ARHGAP23: variants seen among roughly 807,000 people sequenced by gnomAD.
ARHGAP23 encodes the protein Rho GTPase activating protein 23.
A neutral mutation model predicts 136.3 loss-of-function variants in ARHGAP23; 34 were observed. That is an observed-to-expected ratio of 0.25 (90% CI 0.19 to 0.33). The LOEUF is 0.33. ARHGAP23 is among the 10% of genes least tolerant of loss of function. The pLI is 1.00. For synonymous variants in ARHGAP23, 832 were observed against 920.5 expected (o/e 0.90, Z 1.74); for missense variants, 1,808 against 2,139.0 (o/e 0.85, Z 3.05).
chr17:38,476,244 G>A (rs1413679956), intron 11 of ARHGAP23, among the ~76,000 whole-genome samples: 1 of 152,218 alleles, frequency 6.6e-6, no homozygotes, highest in Non-Finnish European at 1.5e-5. Context: ...TAGAGACTGG[G>A]AAGGTCTGTG....
At chr17:38,493,173 C>T (rs2040315133) in intron 20 of ARHGAP23, among the ~76,000 whole-genome samples, 1 of 150,496 alleles carries the variant, frequency 6.6e-6, no homozygotes, top group African/African-American at 2.5e-5. Context: ...TTTTCTTTCT[C>T]TTTCTCTCTC....
chr17:38,470,255 A>G (rs2039718920), intron 10 of ARHGAP23, among the ~76,000 whole-genome samples: 1 of 151,486 alleles, frequency 6.6e-6, no homozygotes, highest in Non-Finnish European at 1.5e-5. Flanking sequence ...TCCCTTCGCT[A>G]CTCTATGTTT....
chr17:38,494,734 A>G (rs1323866642), intron 20 of ARHGAP23, among the ~76,000 whole-genome samples: 1 of 152,238 alleles, frequency 6.6e-6, no homozygotes, highest in East Asian at 1.9e-4. Context: ...GGTCGTAGTC[A>G]TGGAGTTCTT....
chr17:38,479,936 G>GC, intron 14 of ARHGAP23, 53 bp downstream of exon 14: 1 of 1,420,418 alleles, frequency 7.0e-7, no homozygotes, highest in Non-Finnish European at 9.5e-7. Context: ...GGGGCATGGG[G>GC]AGGGGAGGGC....
intron 23 of ARHGAP23, among the ~76,000 whole-genome samples, chr17:38,507,936 G>C (rs188021837): frequency 2.2e-4 from 33 of 152,384 alleles, no homozygotes; most frequent in Admixed American, 4.6e-4. Context: ...TCTGTGAGGA[G>C]GGGTTGAAAG....
intron 1 of ARHGAP23, among the ~76,000 whole-genome samples, chr17:38,450,068 C>T (rs188582148): frequency 3.3e-5 from 5 of 152,356 alleles, no homozygotes; most frequent in Admixed American, 3.3e-4. Context: ...CCTCAAAAAA[C>T]TGTCACCTCC....
upstream of ARHGAP23, chr17:38,428,389 C>A (rs1460389655): frequency 1.7e-4 from 76 of 449,164 alleles, no homozygotes; most frequent in Non-Finnish European, 2.3e-4. Context: ...GGGGGCCCCC[C>A]CACACCGCGC....
chr17:38,497,625 G>A (rs754722196), intron 20 of ARHGAP23, among the ~76,000 whole-genome samples, 160 bp from the exon 21 acceptor site: 9 of 152,314 alleles, frequency 5.9e-5, no homozygotes, highest in Non-Finnish European at 1.0e-4. Flanking sequence ...TTTAGGGTCC[G>A]TCAAGCTCCC....
rs532707048 is a variant in ARHGAP23, at chr17:38,500,658, A to G, written c.3447+30A>G. On this transcript the variant is annotated intron_variant, in intron 23 of 23. Coordinates refer to ENST00000622683, the MANE Select transcript of ARHGAP23 (RefSeq NM_001199417.2). ...GTATGAAGGCAATTCTGAAGGCTTG[A>G]TCCCTGTACAAGGCAGCCCACTTTG... The G allele has an allele frequency of 2.7e-4, 419 of 1,543,986 alleles. 5 individuals carry two copies. In the South Asian group the frequency reaches 3.6e-3, roughly 13 times the overall value.
Position 38,477,839 on chromosome 17 carries a change from G to A in ARHGAP23, c.2379G>A (p.Arg793=), listed in dbSNP as rs926419471. 3 of 1,549,660 alleles carry A rather than the reference G, an allele frequency of 1.9e-6. No individual in the cohort carries two copies. Among genetic ancestry groups the A allele is most frequent in the Non-Finnish European group, 2.6e-6 (3 of 1,146,608 alleles). Residue 793 remains arginine, a synonymous_variant, in exon 12 of 24, where the codon CGG becomes CGA. Transcript: ENST00000622683. This position sits in a 1 kb window ranked among gnomAD's most constrained non-coding sequence, Gnocchi z 6.6. ...FCEYLFQAED[R]DDMLGWIRAI... ...AATATCTCTTTCAGGCTGAGGACCG[G>A]GATGACATGCTGGGCTGGATCAGAG...
intron 1 of ARHGAP23, among the ~76,000 whole-genome samples, chr17:38,421,976 C>T (rs1258343764): frequency 1.3e-5 from 2 of 152,170 alleles, no homozygotes; most frequent in African/African-American, 4.8e-5. Flanking sequence ...GTCCCATGTG[C>T]AGTGATGTGT....
At chr17:38,443,819 G>GA (rs1366896391) in intron 1 of ARHGAP23, among the ~76,000 whole-genome samples, 1 of 152,150 alleles carries the variant, frequency 6.6e-6, no homozygotes, top group Non-Finnish European at 1.5e-5. Context: ...GCTTGACTGG[G>GA]ACCCAGCTCT....
At chr17:38,447,140 C>A (rs1363815986) in intron 1 of ARHGAP23, among the ~76,000 whole-genome samples, 1 of 152,124 alleles carries the variant, frequency 6.6e-6, no homozygotes, top group Non-Finnish European at 1.5e-5. Flanking sequence ...CACATCCTCA[C>A]CATTAAGAAA....
chr17:38,465,219 G>A (rs1403363995), intron 6 of ARHGAP23, among the ~76,000 whole-genome samples: 1 of 150,964 alleles, frequency 6.6e-6, no homozygotes, highest in African/African-American at 2.5e-5. Flanking sequence ...GCTGGAGGGG[G>A]CTGAGTGTGC....
Position 38,466,107 on chromosome 17 carries a change from G to A in ARHGAP23, c.484-60G>A, listed in dbSNP as rs577983994. On this transcript the variant is annotated intron_variant, in intron 6 of 23. Transcript: ENST00000622683. Reference sequence around the variant, plus strand: ...GGCTCCTTGACCTCCTCGGGCTGCCGTTCCCCTACCCTGTGGGACTTGTCT... The same window carrying A: ...GGCTCCTTGACCTCCTCGGGCTGCCATTCCCCTACCCTGTGGGACTTGTCT... 112 of 1,351,584 alleles carry A rather than the reference G, an allele frequency of 8.3e-5. No homozygotes were observed. The African/African-American group carries it at 9.4e-4, about 11-fold the overall frequency. The allele number at this position is 1,351,584 out of a possible 1,614,324, so 83.7% of individuals were successfully genotyped here. A position where few individuals can be genotyped will look rare whatever the true frequency, so the allele number is the denominator to read the frequency against.
At chr17:38,490,787 G>A (rs933008874) in intron 19 of ARHGAP23, among the ~76,000 whole-genome samples, 3 of 152,196 alleles carry the variant, frequency 2.0e-5, no homozygotes, top group Non-Finnish European at 4.4e-5. Context: ...CCGGCCCCCC[G>A]TATCCGATGC....
upstream of ARHGAP23, among the ~76,000 whole-genome samples, chr17:38,425,995 C>A (rs1215323239): frequency 6.6e-6 from 1 of 152,062 alleles, no homozygotes; most frequent in South Asian, 2.1e-4. Flanking sequence ...CCTCTCACCC[C>A]CTCCTGCGGG....
intron 17 of ARHGAP23, among the ~76,000 whole-genome samples, chr17:38,489,149 G>A (rs535715160): frequency 6.6e-6 from 1 of 152,272 alleles, no homozygotes; most frequent in African/African-American, 2.4e-5. Flanking sequence ...CAAAGTGCTG[G>A]GATTACAGAT....
intron 1 of ARHGAP23, among the ~76,000 whole-genome samples, chr17:38,430,359 C>T (rs2038659720): frequency 6.6e-6 from 1 of 151,958 alleles, no homozygotes; most frequent in South Asian, 2.1e-4. Flanking sequence ...GTGTGGATCC[C>T]AGCCCAAGCA....
Sources: gnomAD v4.1 joint callset for allele counts (sites outside exome capture counted in the v4.1 genomes callset) on GRCh38, gnomAD v4.1.1 for gene constraint, Gnocchi (gnomAD v3.1) non-coding constraint, MANE v1.5 for transcripts, NCBI Gene and HGNC (gene_info 2026-07-23, HGNC 2026-07-21) for gene names.